MLLT6: variants seen among roughly 807,000 people sequenced by gnomAD.
MLLT6 encodes protein AF-17.
MLLT6 carries 22 observed loss-of-function variants against 103.0 expected under a neutral mutation model. That is an observed-to-expected ratio of 0.21 (90% CI 0.15 to 0.31). MLLT6 has a LOEUF of 0.31. Among genes scored for constraint, MLLT6 ranks in the 10% least tolerant of loss-of-function variants. MLLT6 has a pLI of 1.00. For synonymous variants in MLLT6, 606 were observed against 623.5 expected (o/e 0.97, Z 0.42); for missense variants, 1,199 against 1,441.7 (o/e 0.83, Z 2.73).
rs751274214 is a variant in MLLT6, at chr17:38,706,975, A to G, written c.135A>G (p.Pro45=). The change falls in exon 2 of 20, where the codon CCA becomes CCG. Residue 45 remains proline (P), a synonymous_variant. Transcript: ENST00000621332. The part of the protein sequence containing the change: ...HQACYGIVQV[P]TGPWFCRKCE... ...CTTGCTATGGCATCGTTCAGGTGCC[A>G]ACGGGACCCTGGTTCTGCCGGAAAT... The G allele has an allele frequency of 7.4e-6, 12 of 1,612,292 alleles. No individual in the cohort carries two copies. The South Asian group carries it at 1.3e-4, about 18-fold the overall frequency.
chr17:38,716,824 G>T lies in MLLT6; in HGVS notation c.1494G>T (p.Leu498Phe). 1 of 1,612,326 alleles carries T rather than the reference G, an allele frequency of 6.2e-7. No homozygotes were observed. Among genetic ancestry groups the T allele is most frequent in the Non-Finnish European group, 8.5e-7 (1 of 1,179,158 alleles). The change falls in exon 10 of 20, where the codon TTG becomes TTT. Residue 498 changes from leucine (L) to phenylalanine (F), a missense_variant. This residue lies in a region of MLLT6 where 1,034 missense variants were observed against 1,091.5 expected (regional missense o/e 0.95). Transcript: ENST00000621332. This position sits in a 1 kb window ranked among gnomAD's most constrained non-coding sequence, Gnocchi z 5.6. ...CTGGGGGCCCAGCTGCCCCATCCTT[G>T]CCCAGTGCCCAGCTGGCTGGCTTTA... ...EGTGGPAAPSLPSAQLAGFTA... is the reference protein window; with the variant it reads ...EGTGGPAAPSFPSAQLAGFTA...
At chr17:38,719,991 T>C in intron 14 of MLLT6, 96 bp downstream of exon 14, 1 of 1,440,826 alleles carries the variant, frequency 6.9e-7, no homozygotes, top group East Asian at 2.5e-5. Flanking sequence ...GTTCCGCCCT[T>C]AGGCCCCGCC....
chr17:38,724,063 G>A lies in MLLT6; in HGVS notation c.2884-557G>A, dbSNP rs1905897146. Among the ~76,000 whole-genome samples the A allele has an allele frequency of 6.6e-6, 1 of 152,002 alleles. No individual in the cohort carries two copies. The highest frequency in any genetic ancestry group is 1.5e-5 in the Non-Finnish European group (1 of 68,002). ...CGGCGAATTGAAAACTATTGACCTA[G>A]TCAGTAGTTTTGGCGAAACCCCGTC... On this transcript the variant is annotated intron_variant, in intron 18 of 19. Transcript: ENST00000621332. This position sits in a 1 kb window ranked among gnomAD's most constrained non-coding sequence, Gnocchi z 5.4.
chr17:38,717,500 C>G lies in MLLT6; in HGVS notation c.1720C>G (p.Pro574Ala). 6.2e-7 allele frequency: 1 copy of G among 1,613,280 alleles called. No homozygotes were observed. Among genetic ancestry groups the G allele is most frequent in the Non-Finnish European group, 8.5e-7 (1 of 1,179,926 alleles). ...GGMLRAVCSTPLSSSLLGPPG... is the reference protein window; with the variant it reads ...GGMLRAVCSTALSSSLLGPPG... ...GATGCTGCGGGCTGTCTGCAGCACC[C>G]CTCTCTCCTCCAGCCTCCTGGGGCC... The change falls in exon 11 of 20, where the codon CCT becomes GCT. Residue 574 changes from proline to alanine, a missense_variant. Transcript: ENST00000621332.
In MLLT6 at chr17:38,722,774, G is replaced by T; in HGVS notation, c.2883+6G>T. On this transcript the variant is annotated splice_donor_region_variant and intron_variant, in intron 18 of 19. Transcript: ENST00000621332. The stretch of plus-strand genomic sequence containing the variant: ...CCTCCCCGCAGCTGACCCCGGTAAT[G>T]CCCCTCCCTTCCCTGCCTCAGGTGC... The T allele has an allele frequency of 1.2e-6, 2 of 1,604,948 alleles. No homozygotes were observed. Among genetic ancestry groups the T allele is most frequent in the Non-Finnish European group, 1.7e-6 (2 of 1,172,786 alleles).
In MLLT6 at chr17:38,712,699, G is replaced by A. The variant is rs776725460; in HGVS notation, c.729G>A (p.Lys243=). Residue 243 remains lysine (K), a synonymous_variant, in exon 8 of 20, where the codon AAG becomes AAA. Coordinates refer to ENST00000621332, the MANE Select transcript of MLLT6 (RefSeq NM_005937.4). ...CACCTCTCCCTCTCCAGAGTCGAAA[G>A]GACAAAGAACGCCTTAAGCAGAAGC... The part of the protein sequence containing the change: ...HHERGQKKSR[K]DKERLKQKHK... 6.2e-7 allele frequency: 1 copy of A among 1,613,352 alleles called. No homozygotes were observed. Among genetic ancestry groups the A allele is most frequent in the South Asian group, 1.1e-5 (1 of 91,066 alleles).
At position 38,724,367 on chromosome 17, in the gene MLLT6, G is replaced by C; in HGVS notation, c.2884-253G>C. The stretch of plus-strand genomic sequence containing the variant: ...AGGGGTGATTCTGTGGGCAGGGCCA[G>C]AGATATTAAATACCCTGCTGTTGGC... On this transcript the variant is annotated intron_variant, in intron 18 of 19. Transcript: ENST00000621332. The surrounding 1 kb of genome is among the most constrained non-coding windows in gnomAD (Gnocchi z 5.4). 2.1e-6 allele frequency: 1 copy of C among 466,158 alleles called. No homozygotes were observed. The highest frequency in any genetic ancestry group is 3.8e-6 in the Non-Finnish European group (1 of 264,894). The allele number at this position is 466,158 out of a possible 1,614,324, so 28.9% of individuals were successfully genotyped here. A position where few individuals can be genotyped will look rare whatever the true frequency, so the allele number is the denominator to read the frequency against.
intron 16 of MLLT6, among the ~76,000 whole-genome samples, chr17:38,721,311 C>T (rs548160069): frequency 5.9e-5 from 9 of 152,320 alleles, no homozygotes; most frequent in Admixed American, 5.2e-4. Context: ...ATTAATTGCA[C>T]ACTTGCCCTT....
chr17:38,728,519 CAGTG>C lies in MLLT6; in HGVS notation c.*2924_*2927del, dbSNP rs1226606793. On this transcript the variant is annotated 3_prime_UTR_variant, in exon 20 of 20. Transcript: ENST00000621332. ...ATGTGGAGTTGGGTGTTCCCACCCTCAGTGAGGAGGTGTGAGTGGGGGTGCATAT... is the reference window on the plus strand; with the variant it reads ...ATGTGGAGTTGGGTGTTCCCACCCTCAGGAGGTGTGAGTGGGGGTGCATAT... 8.6e-6 allele frequency: 2 copies of C among 233,448 alleles called. No individual in the cohort carries two copies. Among genetic ancestry groups the C allele is most frequent in the East Asian group, 6.0e-5 (1 of 16,604 alleles). The allele number at this position is 233,448 out of a possible 1,614,324, so 14.5% of individuals were successfully genotyped here. A position where few individuals can be genotyped will look rare whatever the true frequency, so the allele number is the denominator to read the frequency against.
chr17:38,717,722 G>C (rs1905427365), intron 11 of MLLT6, 109 bp downstream of exon 11: 5 of 1,422,492 alleles, frequency 3.5e-6, no homozygotes, highest in Middle Eastern at 1.8e-4. Context: ...GTTGCCATCA[G>C]ACCACCCTCC....
chr17:38,725,530 C>A (rs764608160), intron 19 of MLLT6, 27 bp from the exon 20 acceptor site: 27 of 1,605,148 alleles, frequency 1.7e-5, no homozygotes, highest in Non-Finnish European at 2.2e-5. Flanking sequence ...CTTTCCACAC[C>A]CCCGGCCTCC....
At chr17:38,718,979 T>G in intron 12 of MLLT6, 1 of 169,642 alleles carries the variant, frequency 5.9e-6, no homozygotes, top group Non-Finnish European at 1.3e-5. Context: ...CAAGGAAGAG[T>G]TTTAGTTTTG....
In MLLT6 at chr17:38,722,780, C is replaced by G. The variant is rs756874771; in HGVS notation, c.2883+12C>G. On this transcript the variant is annotated intron_variant, in intron 18 of 19. Coordinates refer to ENST00000621332, the MANE Select transcript of MLLT6 (RefSeq NM_005937.4). ...CGCAGCTGACCCCGGTAATGCCCCT[C>G]CCTTCCCTGCCTCAGGTGCCCCTTG... 1 of 1,598,678 alleles carries G rather than the reference C, an allele frequency of 6.3e-7. No homozygotes were observed.
In MLLT6 at chr17:38,722,163, A is replaced by G. The variant is rs2143707158; in HGVS notation, c.2728A>G (p.Asn910Asp). Reference sequence around the variant, plus strand: ...GGGGTTGAATGGGGCCGCTGCCCCCAACCCCGCAAGCTTGAGCCAGGCTGG... The same window carrying G: ...GGGGTTGAATGGGGCCGCTGCCCCCGACCCCGCAAGCTTGAGCCAGGCTGG... ...LGGLNGAAAP[N>D]PASLSQAGGA... The change falls in exon 17 of 20, where the codon AAC (asparagine) becomes GAC (aspartate). Residue 910 changes from asparagine to aspartate, a missense_variant. Transcript: ENST00000621332. 2.9e-6 allele frequency: 4 copies of G among 1,371,904 alleles called. No individual in the cohort carries two copies. In the Admixed American group the frequency reaches 1.1e-4, roughly 37 times the overall value. 85.0% of individuals were successfully genotyped at this position (1,371,904 alleles called of 1,614,324 possible). A position where few individuals can be genotyped will look rare whatever the true frequency, so the allele number is the denominator to read the frequency against.
At chr17:38,712,935 C>T (rs757613681) in intron 8 of MLLT6, 146 bp downstream of exon 8, 2 of 752,450 alleles carry the variant, frequency 2.7e-6, no homozygotes, top group South Asian at 2.8e-5. Context: ...ACCCCATACC[C>T]TCTACTCCTT....
In MLLT6 at chr17:38,729,532, A is replaced by G; in HGVS notation, c.*3934A>G. On this transcript the variant is annotated 3_prime_UTR_variant, in exon 20 of 20. Transcript: ENST00000621332. ...CCCGTCCCGCCCCCTTTCTATCCCA[A>G]CCTGTTTCCATGTAGCAGACCCTTC... 4.3e-6 allele frequency: 1 copy of G among 232,808 alleles called. No homozygotes were observed. The highest frequency in any genetic ancestry group is 5.6e-5 in the Admixed American group (1 of 17,742). The allele number at this position is 232,808 out of a possible 1,614,324, so 14.4% of individuals were successfully genotyped here.
rs1268834110 is a variant in MLLT6 at position 38,729,327 on chromosome 17, C to CA, written c.*3731dup. ...AACTGGGAATTCCAAGGAAGGTGGG[C>CA]AAGTAGCCTTGGCTCTCTCCCACCA... is the stretch of plus-strand genomic sequence containing the variant. On this transcript the variant is annotated 3_prime_UTR_variant, in exon 20 of 20. Transcript: ENST00000621332. The CA allele has an allele frequency of 4.3e-6, 1 of 233,182 alleles. No individual in the cohort carries two copies. The highest frequency in any genetic ancestry group is 8.5e-6 in the Non-Finnish European group (1 of 118,068). 14.4% of individuals were successfully genotyped at this position (233,182 alleles called of 1,614,324 possible).
intron 1 of MLLT6, 131 bp downstream of exon 1, chr17:38,705,872 C>T (rs1904890613): frequency 3.3e-6 from 1 of 304,118 alleles, no homozygotes; most frequent in Non-Finnish European, 5.9e-6. Flanking sequence ...GGAAGGGAGG[C>T]GTAGGGGGAG....
intron 1 of MLLT6, 196 bp downstream of exon 1, chr17:38,705,937 T>G: frequency 2.0e-5 from 5 of 248,122 alleles, no homozygotes; most frequent in Non-Finnish European, 3.0e-5. Flanking sequence ...TTGCCTATTG[T>G]TCCAGTTCCG....
Sources: gnomAD v4.1 joint callset for allele counts (sites outside exome capture counted in the v4.1 genomes callset) on GRCh38, gnomAD v4.1.1 for gene constraint, gnomAD v4.1.1 regional missense constraint, Gnocchi (gnomAD v3.1) non-coding constraint, MANE v1.5 for transcripts, NCBI Gene and HGNC (gene_info 2026-07-23, HGNC 2026-07-21) for gene names.